Variants in GABRA2 observed in about 807,000 individuals in gnomAD.
The protein encoded by GABRA2 is gamma-aminobutyric acid type A receptor subunit alpha2.
Under a neutral mutation model 48.7 loss-of-function variants are expected in GABRA2, and 16 were observed. That is an observed-to-expected ratio of 0.33 (90% CI 0.22 to 0.50). The LOEUF (loss-of-function observed/expected upper bound fraction) is 0.50. Among genes scored for constraint, GABRA2 ranks in the 20% least tolerant of loss-of-function variants. The probability of loss-of-function intolerance (pLI) is 0.98; values close to 1 mark genes in which losing one functional copy is unlikely to be tolerated. For missense variants in GABRA2, 275 were observed against 535.6 expected (o/e 0.51, Z 4.80); for synonymous variants, 185 against 184.5 (o/e 1.00, Z -0.02).
At chr4:46,388,858 CTTGATGATTGAGAGACGATTTCTTT>C in intron 1 of GABRA2, 142 bp from the exon 2 acceptor site, 1 of 1,384,518 alleles carries the variant, frequency 7.2e-7, no homozygotes, top group Non-Finnish European at 9.4e-7. Flanking sequence ...CTGTGTAGGA[CTTGATGATTGAGAGACGATTTCTTT>C]TTTATGGACC....
chr4:46,365,343 A>G (rs1386644509), intron 3 of GABRA2: 2 of 152,162 alleles, frequency 1.3e-5, no homozygotes, highest in African/African-American at 4.8e-5. Flanking sequence ...AGGGCATCCC[A>G]CAAAGGAAAA....
chr4:46,290,195 C>T (rs890612482), intron 8 of GABRA2, among the ~76,000 whole-genome samples: 1 of 151,302 alleles, frequency 6.6e-6, no homozygotes, highest in Non-Finnish European at 1.5e-5. Flanking sequence ...CCAGCCACCG[C>T]GCCCGGCCTG....
chr4:46,250,473 G>C lies in GABRA2; in HGVS notation c.1191C>G (p.Asn397Lys), dbSNP rs772937785. Reference protein sequence around the residue: ...ISKSATTPEPNKKPENKPAEA... With the variant: ...ISKSATTPEPKKKPENKPAEA... ...CAGCTGGCTTGTTTTCTGGCTTCTT[G>C]TTGGGTTCTGGCGTGGTTGCACTCT... Residue 397 changes from asparagine to lysine, a missense_variant, in exon 10 of 10, where the codon AAC becomes AAG. Asn to Lys is a moderately conservative substitution (Grantham distance 94, BLOSUM62 0). Coordinates refer to ENST00000381620, the MANE Select transcript of GABRA2 (RefSeq NM_000807.4). The C allele has an allele frequency of 5.6e-6, 9 of 1,612,054 alleles. No individual in the cohort carries two copies. The South Asian group carries it at 6.6e-5, about 12-fold the overall frequency.
At chr4:46,349,496 T>G (rs1185452625) in intron 3 of GABRA2, among the ~76,000 whole-genome samples, 1 of 152,010 alleles carries the variant, frequency 6.6e-6, no homozygotes, top group African/African-American at 2.4e-5. Flanking sequence ...GGGAAAAAAT[T>G]TAAAGCAATG....
At chr4:46,284,432 A>C (rs540592417) in intron 8 of GABRA2, among the ~76,000 whole-genome samples, 7 of 152,318 alleles carry the variant, frequency 4.6e-5, no homozygotes, top group African/African-American at 1.2e-4. Flanking sequence ...AGCTGGGCTT[A>C]CTTTTTGTTC....
chr4:46,250,748 A>G (rs1280790305), intron 9 of GABRA2, 144 bp from the exon 10 acceptor site: 10 of 621,494 alleles, frequency 1.6e-5, no homozygotes, highest in Non-Finnish European at 2.4e-5. Context: ...AAAATAAATA[A>G]AGGTGTTTAT....
chr4:46,354,690 G>A (rs1437912598), intron 3 of GABRA2, among the ~76,000 whole-genome samples: 2 of 151,988 alleles, frequency 1.3e-5, no homozygotes, highest in East Asian at 1.9e-4. Context: ...ACCTTTAAGC[G>A]GCTTGTTTGG....
chr4:46,282,991 G>A (rs1438891453), intron 8 of GABRA2, among the ~76,000 whole-genome samples: 1 of 152,170 alleles, frequency 6.6e-6, no homozygotes, highest in Non-Finnish European at 1.5e-5. Context: ...TAGTTTGGTA[G>A]TAAAAAGGCC....
intron 9 of GABRA2, among the ~76,000 whole-genome samples, chr4:46,256,732 A>G (rs944422226): frequency 6.6e-6 from 1 of 151,622 alleles, no homozygotes; most frequent in Non-Finnish European, 1.5e-5. Flanking sequence ...TATAATTTAA[A>G]TGCATGCATT....
chr4:46,367,145 AC>A (rs1440037874), intron 3 of GABRA2: 1 of 152,120 alleles, frequency 6.6e-6, no homozygotes, highest in East Asian at 1.9e-4. Context: ...GACCAATTTA[AC>A]CCATCTATCA....
chr4:46,283,825 T>C (rs539327866), intron 8 of GABRA2, among the ~76,000 whole-genome samples: 8 of 152,324 alleles, frequency 5.3e-5, no homozygotes, highest in Admixed American at 5.2e-4. Flanking sequence ...AGTGGCATGA[T>C]CTCGGCTCAC....
intron 6 of GABRA2, among the ~76,000 whole-genome samples, chr4:46,309,688 C>T (rs1344499728): frequency 1.3e-5 from 2 of 152,050 alleles, no homozygotes; most frequent in Non-Finnish European, 2.9e-5. Flanking sequence ...AATGCAGCTA[C>T]ATTATCTCCT....
intron 2 of GABRA2, among the ~76,000 whole-genome samples, chr4:46,388,337 A>T (rs1717759366): frequency 6.6e-6 from 1 of 152,230 alleles, no homozygotes; most frequent in Admixed American, 6.5e-5. Context: ...GTGTTATATT[A>T]TAAGTGCCTA....
intron 8 of GABRA2, among the ~76,000 whole-genome samples, chr4:46,264,986 C>CAT (rs72160209): frequency 0.017 from 1,835 of 107,482 alleles, 129 homozygotes; most frequent in African/African-American, 0.05. Context: ...TTACTTTATA[C>CAT]ATATATATAT....
chr4:46,311,962 G>A (rs1026134371), intron 5 of GABRA2, among the ~76,000 whole-genome samples: 2 of 152,162 alleles, frequency 1.3e-5, no homozygotes, highest in Admixed American at 1.3e-4. Flanking sequence ...AGCCTGGCAT[G>A]GTGGCACGTG....
chr4:46,297,249 G>T (rs1279099098), intron 8 of GABRA2, among the ~76,000 whole-genome samples: 2 of 151,846 alleles, frequency 1.3e-5, no homozygotes, highest in African/African-American at 2.4e-5. Flanking sequence ...CTAATCAGCT[G>T]CCAGTGCAGC....
At chr4:46,287,926 T>G (rs945451030) in intron 8 of GABRA2, among the ~76,000 whole-genome samples, 1 of 152,156 alleles carries the variant, frequency 6.6e-6, no homozygotes, top group African/African-American at 2.4e-5. Flanking sequence ...TGTAGAGGCC[T>G]CACAATCATG....
At position 46,332,607 on chromosome 4, in the gene GABRA2, A is replaced by C. The variant is rs776935541; in HGVS notation, c.255+8T>G. 3 of 1,553,768 alleles carry C rather than the reference A, an allele frequency of 1.9e-6. No individual in the cohort carries two copies. In the African/African-American group the frequency reaches 4.1e-5, roughly 21 times the overall value. On this transcript the variant is annotated splice_region_variant and intron_variant, in intron 4 of 9. Coordinates refer to ENST00000381620, the MANE Select transcript of GABRA2 (RefSeq NM_000807.4). ...TGAAGTAAAAATACTATTTAATGAA[A>C]AACTCACCATATCTGTATCTGAGAC...
At chr4:46,325,841 C>A (rs1730270875) in intron 4 of GABRA2, among the ~76,000 whole-genome samples, 2 of 151,954 alleles carry the variant, frequency 1.3e-5, no homozygotes, top group South Asian at 4.1e-4. Context: ...AGTCCTTACC[C>A]CACTGCTTGT....
Sources: gnomAD v4.1 joint callset for allele counts (sites outside exome capture counted in the v4.1 genomes callset) on GRCh38, gnomAD v4.1.1 for gene constraint, MANE v1.5 for transcripts, NCBI Gene and HGNC (gene_info 2026-07-23, HGNC 2026-07-21) for gene names.